Variants in CDC20B observed in about 807,000 individuals in gnomAD.
CDC20B encodes the protein cell division cycle 20B.
Under a neutral mutation model 64.1 loss-of-function variants are expected in CDC20B, and 58 were observed. The observed-to-expected ratio is 0.90, with a 90% CI of 0.73 to 1.13. CDC20B has a LOEUF of 1.13. Among genes scored for constraint, CDC20B ranks in the 50% most tolerant of loss-of-function variants. CDC20B has a pLI of 0.00. For synonymous variants in CDC20B, 243 were observed against 230.6 expected, an observed-to-expected ratio of 1.05 and a Z score of -0.49; for missense variants, 597 against 633.0, an observed-to-expected ratio of 0.94 and a Z score of 0.61.
intron 2 of CDC20B, among the ~76,000 whole-genome samples, chr5:55,169,785 C>T (rs1271053811): frequency 1.3e-5 from 2 of 152,186 alleles, no homozygotes; most frequent in Non-Finnish European, 2.9e-5. Flanking sequence ...ACAGTCATGG[C>T]TATAGAAACC....
chr5:55,147,344 A>G (rs1480264409), intron 2 of CDC20B, among the ~76,000 whole-genome samples: 1 of 142,104 alleles, frequency 7.0e-6, no homozygotes, highest in Admixed American at 7.2e-5. Flanking sequence ...GTTGTTTTAT[A>G]TATTTATATA....
At chr5:55,154,347 C>T (rs28602836) in intron 2 of CDC20B, among the ~76,000 whole-genome samples, 1 of 152,054 alleles carries the variant, frequency 6.6e-6, no homozygotes, top group African/African-American at 2.4e-5. Flanking sequence ...GAGACCCCAT[C>T]TCTAAAATAA....
chr5:55,172,803 TA>T, intron 1 of CDC20B, 134 bp downstream of exon 1: 1 of 752,766 alleles, frequency 1.3e-6, no homozygotes, highest in Non-Finnish European at 2.0e-6. Context: ...AGAATATAAC[TA>T]AATTACATCA....
At chr5:55,117,208 A>G (rs1475915600) in intron 11 of CDC20B, among the ~76,000 whole-genome samples, 2 of 152,126 alleles carry the variant, frequency 1.3e-5, no homozygotes, top group Admixed American at 6.5e-5. Context: ...ATCATAAGTT[A>G]CCTTTCTTCT....
chr5:55,172,604 C>T lies in CDC20B; in HGVS notation c.110G>A (p.Ser37Asn), dbSNP rs1244498409. ...TGGACTCACGTTGGCGGAATCTTGACTTCTCTTCTGCTTCAAGTCTTTGGA... is the reference window on the plus strand; with the variant it reads ...TGGACTCACGTTGGCGGAATCTTGATTTCTCTTCTGCTTCAAGTCTTTGGA... ...VLSKDLKQKR[S>N]QDSANVLDSV... Residue 37 changes from serine to asparagine, a missense_variant, in exon 2 of 12, where the codon AGT (serine) becomes AAT (asparagine). By Grantham distance (46) the Ser-to-Asn change is conservative. Transcript: ENST00000381375. 1.9e-6 allele frequency: 3 copies of T among 1,607,984 alleles called. No homozygotes were observed. In the Admixed American group the frequency reaches 5.0e-5, roughly 27 times the overall value.
At chr5:55,150,620 A>G (rs1319713123) in intron 2 of CDC20B, among the ~76,000 whole-genome samples, 2 of 152,198 alleles carry the variant, frequency 1.3e-5, no homozygotes, top group Non-Finnish European at 2.9e-5. Context: ...AATGGGAAGG[A>G]TGAAAAGAGG....
At position 55,146,849 on chromosome 5, in the gene CDC20B, T is replaced by C. The variant is rs1334582125; in HGVS notation, c.134A>G (p.Asp45Gly). The change falls in exon 3 of 12, where the codon GAT becomes GGT. Residue 45 changes from aspartate (D) to glycine (G), a missense_variant. Transcript: ENST00000381375. ...GTCAGAATACGTAGCATTAACTGAA[T>C]CGAGTACCTGTTTAACAACAAAAAC... ...KRSQDSANVL[D>G]SVNATYSDFK... The C allele has an allele frequency of 6.2e-7, 1 of 1,613,756 alleles. No individual in the cohort carries two copies. Among genetic ancestry groups the C allele is most frequent in the Admixed American group, 1.7e-5 (1 of 60,010 alleles).
intron 2 of CDC20B, among the ~76,000 whole-genome samples, chr5:55,153,011 G>A (rs552956888): frequency 6.6e-6 from 1 of 152,272 alleles, no homozygotes; most frequent in South Asian, 2.1e-4. Flanking sequence ...GGCCAAGGCA[G>A]GTGGATGGCT....
At chr5:55,159,384 T>A (rs1003860806) in intron 2 of CDC20B, among the ~76,000 whole-genome samples, 1 of 152,182 alleles carries the variant, frequency 6.6e-6, no homozygotes, top group East Asian at 1.9e-4. Flanking sequence ...AGGTCAGAAC[T>A]GGGTTGTTTA....
At chr5:55,116,555 C>T (rs1742631239) in intron 11 of CDC20B, among the ~76,000 whole-genome samples, 1 of 152,192 alleles carries the variant, frequency 6.6e-6, no homozygotes, top group Non-Finnish European at 1.5e-5. Flanking sequence ...CTCAAGTGAT[C>T]CTTCCACCTC....
At chr5:55,124,747 G>GGATA in intron 9 of CDC20B, 56 bp downstream of exon 9, 1 of 1,372,526 alleles carries the variant, frequency 7.3e-7, no homozygotes, top group Non-Finnish European at 1.0e-6. Flanking sequence ...TATATGTGAA[G>GGATA]GATACCCAGT....
chr5:55,144,007 A>G (rs768187162), intron 3 of CDC20B, among the ~76,000 whole-genome samples: 1 of 152,156 alleles, frequency 6.6e-6, no homozygotes, highest in African/African-American at 2.4e-5. Context: ...AAAAAAAAAA[A>G]AAAACCAGAT....
At chr5:55,154,905 G>T in intron 2 of CDC20B, among the ~76,000 whole-genome samples, 1 of 152,184 alleles carries the variant, frequency 6.6e-6, no homozygotes, top group Non-Finnish European at 1.5e-5. Flanking sequence ...ACGATATACA[G>T]ATATGGCAAA....
At chr5:55,123,830 A>T (rs968455678) in intron 9 of CDC20B, among the ~76,000 whole-genome samples, 1 of 152,230 alleles carries the variant, frequency 6.6e-6, no homozygotes, top group South Asian at 2.1e-4. Flanking sequence ...ATTTGGACCG[A>T]TCATCATTCT....
chr5:55,165,880 A>G (rs1744356614), intron 2 of CDC20B: 1 of 152,250 alleles, frequency 6.6e-6, no homozygotes, highest in South Asian at 2.1e-4. Context: ...GTCAATTAAC[A>G]CACTTACTAA....
intron 2 of CDC20B, among the ~76,000 whole-genome samples, chr5:55,157,855 T>A (rs1400883355): frequency 6.6e-6 from 1 of 152,168 alleles, no homozygotes; most frequent in Non-Finnish European, 1.5e-5. Context: ...GATAAATCAC[T>A]CTCTTTCCAC....
chr5:55,117,435 T>A (rs1216855835), intron 11 of CDC20B, among the ~76,000 whole-genome samples: 1 of 152,212 alleles, frequency 6.6e-6, no homozygotes, highest in African/African-American at 2.4e-5. Context: ...ATAAGTTTCA[T>A]AAAATACTAC....
Position 55,146,793 on chromosome 5 carries a change from C to T in CDC20B, c.190G>A (p.Ala64Thr), listed in dbSNP as rs1362485805. 2.5e-6 allele frequency: 4 copies of T among 1,614,004 alleles called. No homozygotes were observed. The African/African-American group carries it at 5.3e-5, about 22-fold the overall frequency. Reference sequence around the variant, plus strand: ...GGGCTACTCGCAACAGGAACCTCTGCGGACAGCCTCTTCGCAAAGTTGCTC... The same window carrying T: ...GGGCTACTCGCAACAGGAACCTCTGTGGACAGCCTCTTCGCAAAGTTGCTC... ...FKSNFAKRLSAEVPVASSPIT... is the reference protein window; with the variant it reads ...FKSNFAKRLSTEVPVASSPIT... Residue 64 changes from alanine (A) to threonine (T), a missense_variant, in exon 3 of 12, where the codon GCA (alanine) becomes ACA (threonine). Coordinates refer to ENST00000381375, the MANE Select transcript of CDC20B (RefSeq NM_001170402.1).
At chr5:55,140,967 A>G (rs529196932) in intron 4 of CDC20B, among the ~76,000 whole-genome samples, 47 of 152,352 alleles carry the variant, frequency 3.1e-4, no homozygotes, top group African/African-American at 1.1e-3. Context: ...TCCTAAAAAC[A>G]TAGTGATAAA....
Sources: gnomAD v4.1 joint callset for allele counts (sites outside exome capture counted in the v4.1 genomes callset) on GRCh38, gnomAD v4.1.1 for gene constraint, MANE v1.5 for transcripts, NCBI Gene and HGNC (gene_info 2026-07-23, HGNC 2026-07-21) for gene names.